Variants in EPB41L3 observed in about 807,000 individuals in gnomAD.
EPB41L3 encodes the protein band 4.1-like protein 3.
A neutral mutation model predicts 127.1 loss-of-function variants in EPB41L3; 57 were observed. That is an observed-to-expected ratio of 0.45 (90% confidence interval 0.36 to 0.56). The LOEUF is 0.56. Ranked by LOEUF, EPB41L3 falls within the 20% of genes least tolerant of loss-of-function variation. EPB41L3 has a pLI of 0.00. For missense variants in EPB41L3, 1,273 were observed against 1,372.2 expected (o/e 0.93, Z 1.14); for synonymous variants, 572 against 549.5 (o/e 1.04, Z -0.57).
At chr18:5,431,817 G>A (rs1026738478) in intron 8 of EPB41L3, among the ~76,000 whole-genome samples, 53 of 152,012 alleles carry the variant, frequency 3.5e-4, no homozygotes, top group African/African-American at 1.2e-3. Flanking sequence ...CTTAATGTCT[G>A]TTCTTATTTT....
intron 3 of EPB41L3, among the ~76,000 whole-genome samples, chr18:5,583,871 T>C (rs2094418441): frequency 6.6e-6 from 1 of 152,166 alleles, no homozygotes; most frequent in African/African-American, 2.4e-5. Context: ...TGCAACGGCA[T>C]GATCTCGGCT....
At chr18:5,626,107 GAC>G (rs1460195277) in intron 1 of EPB41L3, among the ~76,000 whole-genome samples, 1 of 152,040 alleles carries the variant, frequency 6.6e-6, no homozygotes, top group Non-Finnish European at 1.5e-5. Context: ...AGGATTCCAA[GAC>G]AGTGTCCTTT....
chr18:5,408,194 C>A (rs1244332668), intron 14 of EPB41L3, among the ~76,000 whole-genome samples: 1 of 152,004 alleles, frequency 6.6e-6, no homozygotes, highest in Admixed American at 6.5e-5. Context: ...AGAACCCATG[C>A]TCAAAGAATA....
intron 2 of EPB41L3, among the ~76,000 whole-genome samples, chr18:5,485,747 C>T (rs758924460): frequency 6.6e-6 from 1 of 151,744 alleles, no homozygotes; most frequent in South Asian, 2.1e-4. Context: ...ACAATAGCTA[C>T]AAAATATAAA....
intron 8 of EPB41L3, among the ~76,000 whole-genome samples, chr18:5,433,093 G>A (rs2079218659): frequency 6.6e-6 from 1 of 152,152 alleles, no homozygotes; most frequent in African/African-American, 2.4e-5. Context: ...AGAGTCTGAT[G>A]GGAGCAAAGG....
rs554499832 is a variant in EPB41L3, at chr18:5,523,873, T to A, written c.-12+20040A>T. On this transcript the variant is annotated intron_variant, in intron 1 of 22. Coordinates refer to ENST00000341928, the MANE Select transcript of EPB41L3 (RefSeq NM_012307.5). ...TTCTACTTGTTTTAAAAACCTTTTT[T>A]AAAAAAAAATTCCAAAAGTAATAGA... Among the ~76,000 whole-genome samples, 21 of 151,876 alleles carry A rather than the reference T, an allele frequency of 1.4e-4. No individual in the cohort carries two copies. The East Asian group carries it at 1.9e-3, about 14-fold the overall frequency.
At chr18:5,509,461 A>G (rs1302840817) in intron 1 of EPB41L3, among the ~76,000 whole-genome samples, 1 of 152,230 alleles carries the variant, frequency 6.6e-6, no homozygotes, top group Non-Finnish European at 1.5e-5. Flanking sequence ...TTTAAATGGG[A>G]GTAAAAACAT....
chr18:5,429,186 T>C (rs2078640399), intron 8 of EPB41L3: 1 of 152,200 alleles, frequency 6.6e-6, no homozygotes, highest in Non-Finnish European at 1.5e-5. Flanking sequence ...GGCTCACATA[T>C]ATAAATATAA....
chr18:5,429,845 C>T (rs1036477860), intron 8 of EPB41L3, among the ~76,000 whole-genome samples: 1 of 152,092 alleles, frequency 6.6e-6, no homozygotes, highest in Non-Finnish European at 1.5e-5. Context: ...GAGCTGTAAC[C>T]TGATGCTGAC....
rs566761377 is a variant in EPB41L3 at position 5,609,828 on chromosome 18, G to A, written c.-306+2512C>T. ...AAGACATGTGGGATATCTTCAAGTTGCTTTGTCATAAAGAAGCATTATTAA... is the reference window on the plus strand; with the variant it reads ...AAGACATGTGGGATATCTTCAAGTTACTTTGTCATAAAGAAGCATTATTAA... On this transcript the variant is annotated intron_variant, in intron 3 of 21. Coordinates refer to the EPB41L3 transcript ENST00000545076. Among the ~76,000 whole-genome samples, 5 of 152,112 alleles carry A rather than the reference G, an allele frequency of 3.3e-5. No homozygotes were observed. In the South Asian group the frequency reaches 6.2e-4, roughly 19 times the overall value.
At chr18:5,448,968 T>C (rs2081919524) in intron 3 of EPB41L3, among the ~76,000 whole-genome samples, 1 of 152,212 alleles carries the variant, frequency 6.6e-6, no homozygotes, top group Non-Finnish European at 1.5e-5. Context: ...TTTTCTTTAA[T>C]TAAAAAATTT....
upstream of EPB41L3, among the ~76,000 whole-genome samples, chr18:5,549,267 C>G (rs1045150424): frequency 5.9e-5 from 9 of 152,138 alleles, no homozygotes; most frequent in African/African-American, 1.9e-4. Flanking sequence ...TTGCAGATTT[C>G]AACAGTGAGG....
At chr18:5,441,606 C>T (rs2080772860) in intron 5 of EPB41L3, among the ~76,000 whole-genome samples, 1 of 152,112 alleles carries the variant, frequency 6.6e-6, no homozygotes, top group Non-Finnish European at 1.5e-5. Flanking sequence ...GCTGGGACTA[C>T]AGGCGCACGC....
rs556429037 is a variant in EPB41L3 at position 5,441,590 on chromosome 18, C to T, written c.529+2248G>A. Reference sequence around the variant, plus strand: ...ACGCCATTCTCCTGCCTCAGCCTCCCGAGTAGCTGGGACTACAGGCGCACG... The same window carrying T: ...ACGCCATTCTCCTGCCTCAGCCTCCTGAGTAGCTGGGACTACAGGCGCACG... On this transcript the variant is annotated intron_variant, in intron 5 of 22. Coordinates refer to ENST00000341928, the MANE Select transcript of EPB41L3 (RefSeq NM_012307.5). 2.4e-3 allele frequency among the ~76,000 whole-genome samples: 363 copies of T among 152,134 alleles called. 2 individuals carry two copies. Among genetic ancestry groups the T allele is most frequent in the African/African-American group, 8.2e-3 (341 of 41,506 alleles).
chr18:5,395,311 G>A (rs1424163496), intron 20 of EPB41L3, among the ~76,000 whole-genome samples, 164 bp from the exon 21 acceptor site: 5 of 152,182 alleles, frequency 3.3e-5, no homozygotes, highest in East Asian at 1.9e-4. Context: ...AGGTGAGGAC[G>A]GAATGGAGGC....
chr18:5,415,815 C>T lies in EPB41L3; in HGVS notation c.2067+3G>A, dbSNP rs1217504119. 1 of 1,610,984 alleles carries T rather than the reference C, an allele frequency of 6.2e-7. No individual in the cohort carries two copies. The highest frequency in any genetic ancestry group is 8.5e-7 in the Non-Finnish European group (1 of 1,179,270). On this transcript the variant is annotated splice_donor_region_variant and intron_variant, in intron 13 of 22. Transcript: ENST00000341928. ...GAAGCGTGTTCTATGCCGAGGTACA[C>T]ACCTCTTCCTCTGAACTGTCACTCG... is the stretch of plus-strand genomic sequence containing the variant.
chr18:5,572,924 C>G (rs1330152515), intron 3 of EPB41L3, among the ~76,000 whole-genome samples: 1 of 152,100 alleles, frequency 6.6e-6, no homozygotes, highest in East Asian at 1.9e-4. Context: ...CATGCCCTCT[C>G]CCCACTTCTT....
At chr18:5,396,412 G>A in intron 18 of EPB41L3, 80 bp from the exon 19 acceptor site, 1 of 1,548,398 alleles carries the variant, frequency 6.5e-7, no homozygotes, top group Non-Finnish European at 8.9e-7. Context: ...TCTCTTGGTG[G>A]TTATAAGCAC....
At position 5,394,952 on chromosome 18, in the gene EPB41L3, A is replaced by G. The variant is rs182313430; in HGVS notation, c.3153+115T>C. 7.2e-6 allele frequency: 9 copies of G among 1,256,500 alleles called. No individual in the cohort carries two copies. The African/African-American group carries it at 1.3e-4, about 19-fold the overall frequency. 77.8% of individuals were successfully genotyped at this position (1,256,500 alleles called of 1,614,324 possible). A position where few individuals can be genotyped will look rare whatever the true frequency, so the allele number is the denominator to read the frequency against. ...TCATAAATCATATATTGGAAAGTTA[A>G]TTCGGAATTTTCTTCGGAATACATG... On this transcript the variant is annotated intron_variant, in intron 21 of 22. Coordinates refer to ENST00000341928, the MANE Select transcript of EPB41L3 (RefSeq NM_012307.5).
Sources: gnomAD v4.1 joint callset for allele counts (sites outside exome capture counted in the v4.1 genomes callset) on GRCh38, gnomAD v4.1.1 for gene constraint, MANE v1.5 for transcripts, NCBI Gene and HGNC (gene_info 2026-07-23, HGNC 2026-07-21) for gene names.